MAML2: variants seen among roughly 807,000 people sequenced by gnomAD.
MAML2 encodes mastermind-like protein 2.
Under a neutral mutation model 96.1 loss-of-function variants are expected in MAML2, and 22 were observed. The observed-to-expected ratio is 0.23, with a 90% confidence interval of 0.16 to 0.33. The LOEUF (loss-of-function observed/expected upper bound fraction) is 0.33, where lower values mean the gene tolerates loss of function less well. MAML2 is among the 10% of genes least tolerant of loss of function. The pLI is 1.00. For missense variants in MAML2, 1,367 were observed against 1,392.4 expected (o/e 0.98, Z 0.29); for synonymous variants, 561 against 521.3 (o/e 1.08, Z -1.04).
chr11:96,243,343 C>A (rs936488341), intron 1 of MAML2, among the ~76,000 whole-genome samples: 1 of 152,128 alleles, frequency 6.6e-6, no homozygotes, highest in South Asian at 2.1e-4. Flanking sequence ...GGTTGGCTGT[C>A]GGGAATTGCC....
At chr11:96,212,015 A>G (rs1861978813) in intron 1 of MAML2, among the ~76,000 whole-genome samples, 1 of 152,166 alleles carries the variant, frequency 6.6e-6, no homozygotes, top group African/African-American at 2.4e-5. Flanking sequence ...ATATTTCAAG[A>G]TAAAATAAAA....
At chr11:96,288,539 T>C (rs1355076953) in intron 1 of MAML2, among the ~76,000 whole-genome samples, 1 of 128,422 alleles carries the variant, frequency 7.8e-6, no homozygotes, top group Non-Finnish European at 1.6e-5. Flanking sequence ...CGAGACTCTG[T>C]CTCAAAAAAA....
chr11:96,054,906 A>G (rs1242582004), intron 2 of MAML2, among the ~76,000 whole-genome samples: 1 of 152,232 alleles, frequency 6.6e-6, no homozygotes, highest in African/African-American at 2.4e-5. Context: ...TAGACAGTAT[A>G]GTAGGGAGAT....
chr11:96,108,069 T>C (rs1860054637), intron 1 of MAML2, among the ~76,000 whole-genome samples: 1 of 151,928 alleles, frequency 6.6e-6, no homozygotes, highest in African/African-American at 2.4e-5. Flanking sequence ...GAAGCACAGG[T>C]CACAACCTAA....
chr11:96,162,549 T>G (rs935426199), intron 1 of MAML2, among the ~76,000 whole-genome samples: 1 of 151,710 alleles, frequency 6.6e-6, no homozygotes, highest in East Asian at 1.9e-4. Flanking sequence ...CCCTGTCTAC[T>G]AAAAATACGA....
In MAML2 at chr11:96,045,341, G is replaced by A. The variant is rs1858879703; in HGVS notation, c.2139+46551C>T. Among the ~76,000 whole-genome samples the A allele has an allele frequency of 2.0e-5, 3 of 152,298 alleles. No individual in the cohort carries two copies. The South Asian group carries it at 6.2e-4, about 32-fold the overall frequency. The stretch of plus-strand genomic sequence containing the variant: ...ATCAGAAAAGAACTGAGGCTAAGAA[G>A]ACCTGGGTGAACCCTAGTCCTGCCA... On this transcript the variant is annotated intron_variant, in intron 2 of 4. Coordinates refer to ENST00000524717, the MANE Select transcript of MAML2 (RefSeq NM_032427.4).
At chr11:96,081,750 A>G (rs1565208278) in intron 2 of MAML2, among the ~76,000 whole-genome samples, 1 of 152,230 alleles carries the variant, frequency 6.6e-6, no homozygotes, top group Non-Finnish European at 1.5e-5. Flanking sequence ...TATTTCATGC[A>G]CCATGGAAAA....
At chr11:96,330,755 C>T (rs1299919409) in intron 1 of MAML2, among the ~76,000 whole-genome samples, 3 of 152,206 alleles carry the variant, frequency 2.0e-5, no homozygotes, top group Non-Finnish European at 4.4e-5. Context: ...GCTAGACTGG[C>T]TTCCTTACAT....
chr11:95,987,160 C>T (rs1237533937), intron 3 of MAML2, among the ~76,000 whole-genome samples: 2 of 152,184 alleles, frequency 1.3e-5, no homozygotes, highest in East Asian at 3.8e-4. Context: ...AAAGAAGTAG[C>T]TATCACTCAT....
intron 1 of MAML2, among the ~76,000 whole-genome samples, chr11:96,312,219 C>CAAAAAAAAAAAAAAAAAAAAA (rs34658278): frequency 5.2e-4 from 27 of 51,556 alleles, no homozygotes; most frequent in African/African-American, 6.5e-4. Context: ...GACTCTATCT[C>CAAAAAAAAAAAAAAAAAAAAA]AAAAAAAAAA....
intron 1 of MAML2, among the ~76,000 whole-genome samples, chr11:96,285,247 G>A (rs1032557593): frequency 5.9e-5 from 9 of 152,014 alleles, no homozygotes; most frequent in Admixed American, 5.2e-4. Flanking sequence ...CCCTTACTTA[G>A]AATATGAATC....
intron 1 of MAML2, among the ~76,000 whole-genome samples, chr11:96,281,020 T>A (rs577087717): frequency 1.3e-5 from 2 of 152,360 alleles, no homozygotes; most frequent in East Asian, 1.9e-4. Context: ...TATTTTCCAA[T>A]GTAGTGAGTA....
At chr11:96,079,708 G>A (rs1024164043) in intron 2 of MAML2, among the ~76,000 whole-genome samples, 2 of 152,208 alleles carry the variant, frequency 1.3e-5, no homozygotes, top group Non-Finnish European at 2.9e-5. Flanking sequence ...CCCTTCACAC[G>A]CCCTTGGTCA....
Position 96,183,115 on chromosome 11 carries a change from G to A in MAML2, c.514-89598C>T, listed in dbSNP as rs182099772. On this transcript the variant is annotated intron_variant, in intron 1 of 4. Coordinates refer to ENST00000524717, the MANE Select transcript of MAML2 (RefSeq NM_032427.4). Reference sequence around the variant, plus strand: ...TGGGACTACAGGCGTGTACCACGACGCCTGGCTAATTTTTTGTATTTTTAG... The same window carrying A: ...TGGGACTACAGGCGTGTACCACGACACCTGGCTAATTTTTTGTATTTTTAG... 4.5e-3 allele frequency among the ~76,000 whole-genome samples: 684 copies of A among 151,694 alleles called. 4 individuals carry two copies. The highest frequency in any genetic ancestry group is 0.01 in the Middle Eastern group (3 of 294).
intron 1 of MAML2, among the ~76,000 whole-genome samples, chr11:96,137,829 T>C (rs1007789228): frequency 3.3e-5 from 5 of 152,246 alleles, no homozygotes; most frequent in African/African-American, 1.2e-4. Flanking sequence ...TGATCTTTAA[T>C]ACTTGGTTCC....
intron 1 of MAML2, among the ~76,000 whole-genome samples, chr11:96,317,621 C>G (rs1863649229): frequency 6.6e-6 from 1 of 152,130 alleles, no homozygotes; most frequent in African/African-American, 2.4e-5. Flanking sequence ...ATGGTCACTC[C>G]AGGAAAGAAA....
chr11:96,102,072 C>T (rs186933835), intron 1 of MAML2, among the ~76,000 whole-genome samples: 28 of 152,234 alleles, frequency 1.8e-4, no homozygotes, highest in Non-Finnish European at 4.4e-5. Context: ...GTCAGGAGAT[C>T]GAGACCATCC....
intron 1 of MAML2, among the ~76,000 whole-genome samples, chr11:96,121,950 C>CTTTTTTTTT (rs71040130): frequency 4.4e-4 from 25 of 56,848 alleles, no homozygotes; most frequent in African/African-American, 4.8e-4. Flanking sequence ...CCACGCCCGG[C>CTTTTTTTTT]TTTTTTTTTT....
chr11:95,998,141 A>AGTCTGTCTGTCAGTCT lies in MAML2; in HGVS notation c.2140-6419_2140-6418insAGACTGACAGACAGAC, dbSNP rs1554993547. Among the ~76,000 whole-genome samples, 432 of 143,648 alleles carry AGTCTGTCTGTCAGTCT rather than the reference A, an allele frequency of 3.0e-3. 7 individuals are homozygous for AGTCTGTCTGTCAGTCT. Among genetic ancestry groups the AGTCTGTCTGTCAGTCT allele is most frequent in the Non-Finnish European group, 3.6e-3 (235 of 66,016 alleles). The allele number at this position is 143,648 out of a possible 152,430, so 94.2% of individuals were successfully genotyped here. A position where few individuals can be genotyped will look rare whatever the true frequency, so the allele number is the denominator to read the frequency against. On this transcript the variant is annotated intron_variant, in intron 2 of 4. Coordinates refer to ENST00000524717, the MANE Select transcript of MAML2 (RefSeq NM_032427.4). ...CTATCTATCTGTCTGTCTGTCTGTC[A>AGTCTGTCTGTCAGTCT]GTCTGTCTGTCTGTCTGTCTGTCTG...
Sources: allele counts gnomAD v4.1 joint callset (sites outside exome capture counted in the v4.1 genomes callset), GRCh38; gene constraint gnomAD v4.1.1; transcripts MANE v1.5; gene names NCBI Gene and HGNC (gene_info 2026-07-23, HGNC 2026-07-21).